Variants in NFASC observed in about 807,000 individuals in gnomAD.
NFASC encodes neurofascin homolog.
Under a neutral mutation model 147.5 loss-of-function variants are expected in NFASC, and 43 were observed. The observed-to-expected ratio is 0.29, with a 90% CI of 0.23 to 0.38. The LOEUF (loss-of-function observed/expected upper bound fraction) is 0.38. Among genes scored for constraint, NFASC ranks in the 10% least tolerant of loss-of-function variants. The probability of loss-of-function intolerance (pLI) is 1.00; values close to 1 mark genes in which losing one functional copy is unlikely to be tolerated. For synonymous variants in NFASC, 622 were observed against 665.5 expected (o/e 0.93, Z 1.01); for missense variants, 1,320 against 1,689.0 (o/e 0.78, Z 3.83).
In NFASC at chr1:204,968,440, C is replaced by A; in HGVS notation, c.818+80C>A. On this transcript the variant is annotated intron_variant, in intron 9 of 29. Coordinates refer to ENST00000339876, the MANE Select transcript of NFASC (RefSeq NM_001005388.3). This position sits in a 1 kb window ranked among gnomAD's most constrained non-coding sequence, Gnocchi z 5.4. ...GAGCTTGTTCATGCTCTTGTTAATG[C>A]CACATTTAGTGCATACCAGTAGCAC... The A allele has an allele frequency of 9.3e-7, 1 of 1,069,710 alleles. No homozygotes were observed. The highest frequency in any genetic ancestry group is 1.4e-6 in the Non-Finnish European group (1 of 696,410). The allele number at this position is 1,069,710 out of a possible 1,614,324, so 66.3% of individuals were successfully genotyped here. A position where few individuals can be genotyped will look rare whatever the true frequency, so the allele number is the denominator to read the frequency against.
chr1:204,984,619 CCTAAGCCACAACTAACAGG>C (rs573168310), intron 21 of NFASC, among the ~76,000 whole-genome samples: 55 of 151,036 alleles, frequency 3.6e-4, no homozygotes, highest in Middle Eastern at 3.4e-3. Flanking sequence ...CTCCTTATCT[CCTAAGCCACAACTAACAGG>C]CAAAGCCACT....
chr1:204,956,211 TG>T (rs2094423923), intron 7 of NFASC, among the ~76,000 whole-genome samples: 1 of 152,218 alleles, frequency 6.6e-6, no homozygotes, highest in South Asian at 2.1e-4. Flanking sequence ...CAGGCCTCCC[TG>T]GTCTTTCTAA....
intron 1 of NFASC, among the ~76,000 whole-genome samples, chr1:204,846,900 C>A (rs766721669): frequency 6.6e-6 from 1 of 151,868 alleles, no homozygotes; most frequent in Non-Finnish European, 1.5e-5. Context: ...CCCCAGTCTA[C>A]CCTAGAATCT....
intron 10 of NFASC, among the ~76,000 whole-genome samples, chr1:204,970,406 C>T (rs1019995314): frequency 1.3e-5 from 2 of 152,182 alleles, no homozygotes; most frequent in Non-Finnish European, 2.9e-5. Context: ...GTTCTGTGAA[C>T]TCAAAATAGA....
At chr1:204,921,832 C>A (rs1462677628) in intron 2 of NFASC, among the ~76,000 whole-genome samples, 1 of 152,050 alleles carries the variant, frequency 6.6e-6, no homozygotes, top group Admixed American at 6.6e-5. Flanking sequence ...AATGGCAATT[C>A]AGATATAGTT....
chr1:204,997,296 C>G lies in NFASC; in HGVS notation c.2909C>G (p.Thr970Ser), dbSNP rs1558419838. ...ATCATCCCAACTGTCGCACCTACCA[C>G]CATCGCCACCACCACCACCGTCGCC... ...VPIIPTVAPT[T>S]IATTTTVATT... is the part of the protein sequence containing the mutation. The change falls in exon 25 of 30, where the codon ACC becomes AGC. Residue 970 changes from threonine (T) to serine (S), a missense_variant. By Grantham distance (58) the Thr-to-Ser change is moderately conservative (BLOSUM62 1). This residue lies in a region of NFASC where 172 missense variants were observed against 165.8 expected (regional missense o/e 1.04). Transcript: ENST00000339876. The G allele has an allele frequency of 6.2e-7, 1 of 1,605,400 alleles. No individual in the cohort carries two copies.
rs2096399315 is a variant in NFASC, at chr1:205,021,329, G to T, written c.*4790G>T. 6.6e-6 allele frequency: 1 copy of T among 152,614 alleles called. No homozygotes were observed. Among genetic ancestry groups the T allele is most frequent in the Non-Finnish European group, 1.5e-5 (1 of 68,054 alleles). The allele number at this position is 152,614 out of a possible 1,614,324, so 9.5% of individuals were successfully genotyped here. ...AGAGAGAAAGGAGAACCATCCAGGA[G>T]AGCCACAAGCGTCCACCAAACAGTG... On this transcript the variant is annotated 3_prime_UTR_variant, in exon 30 of 30. Coordinates refer to ENST00000339876, the MANE Select transcript of NFASC (RefSeq NM_001005388.3).
intron 27 of NFASC, among the ~76,000 whole-genome samples, chr1:205,004,813 G>A (rs2096071153): frequency 1.3e-5 from 2 of 152,184 alleles, no homozygotes; most frequent in South Asian, 4.1e-4. Flanking sequence ...AGCAGTTCAG[G>A]AAGGAAATTG....
intron 1 of NFASC, among the ~76,000 whole-genome samples, chr1:204,908,012 T>G (rs996174072): frequency 3.3e-5 from 5 of 152,100 alleles, no homozygotes; most frequent in Admixed American, 2.6e-4. Flanking sequence ...GACAGGGTCT[T>G]GTTCTGTCAC....
intron 8 of NFASC, among the ~76,000 whole-genome samples, chr1:204,961,590 A>G (rs988168671): frequency 3.9e-5 from 6 of 152,230 alleles, no homozygotes; most frequent in South Asian, 2.1e-4. Flanking sequence ...CTTTTGGTCA[A>G]TGACCTCCTC....
At chr1:204,899,062 C>G (rs2083981500) in intron 1 of NFASC, among the ~76,000 whole-genome samples, 1 of 152,154 alleles carries the variant, frequency 6.6e-6, no homozygotes, top group Non-Finnish European at 1.5e-5. Flanking sequence ...AGGGGAGAAA[C>G]AGACCTGCCC....
At chr1:204,972,436 C>T (rs572067885) in intron 11 of NFASC, among the ~76,000 whole-genome samples, 1 of 152,274 alleles carries the variant, frequency 6.6e-6, no homozygotes, top group South Asian at 2.1e-4. Context: ...AGTGATTCTT[C>T]CCCATCTTAC....
intron 29 of NFASC, 29 bp downstream of exon 29, chr1:205,012,895 G>A (rs774285199): frequency 1.9e-6 from 3 of 1,557,344 alleles, no homozygotes; most frequent in Non-Finnish European, 2.7e-6. Context: ...CCTCTCTCAG[G>A]CAGGCTGTCC....
intron 24 of NFASC, among the ~76,000 whole-genome samples, chr1:204,996,774 G>A (rs2095853626): frequency 6.6e-6 from 1 of 152,068 alleles, no homozygotes; most frequent in South Asian, 2.1e-4. Flanking sequence ...CTCCAGGGCT[G>A]GACCCAACTG....
intron 24 of NFASC, 149 bp from the exon 25 acceptor site, chr1:204,997,021 G>T: frequency 1.6e-6 from 2 of 1,237,420 alleles, no homozygotes; most frequent in South Asian, 3.1e-5. Flanking sequence ...GCTGCGACCC[G>T]TCTGACCCAG....
At chr1:204,903,934 A>C (rs187734009) in intron 1 of NFASC, among the ~76,000 whole-genome samples, 18 of 152,354 alleles carry the variant, frequency 1.2e-4, no homozygotes, top group African/African-American at 4.3e-4. Context: ...AAATTTTGCT[A>C]TATTGCCATG....
At position 205,022,656 on chromosome 1, in the gene NFASC, G is replaced by A. The variant is rs2096408360; in HGVS notation, c.*6117G>A. 1 of 152,610 alleles carries A rather than the reference G, an allele frequency of 6.6e-6. No homozygotes were observed. Among genetic ancestry groups the A allele is most frequent in the African/African-American group, 2.4e-5 (1 of 41,426 alleles). The allele number at this position is 152,610 out of a possible 1,614,324, so 9.5% of individuals were successfully genotyped here. ...GGTGTCACACACGACCTTCAGCAGG[G>A]AAGACTTCTGGGCCATGGAGGGCCG... On this transcript the variant is annotated 3_prime_UTR_variant, in exon 30 of 30. Transcript: ENST00000339876.
intron 1 of NFASC, among the ~76,000 whole-genome samples, chr1:204,829,170 A>C (rs1242693102): frequency 1.4e-5 from 2 of 143,400 alleles, no homozygotes; most frequent in Non-Finnish European, 3.0e-5. Flanking sequence ...TGCCTCCTGT[A>C]TTTCCTACCG....
chr1:204,968,922 T>A lies in NFASC; in HGVS notation c.943T>A (p.Phe315Ile). The A allele has an allele frequency of 6.2e-7, 1 of 1,614,070 alleles. No individual in the cohort carries two copies. The highest frequency in any genetic ancestry group is 8.5e-7 in the Non-Finnish European group (1 of 1,179,998). ...CTCTGAGGAAGACTCCGGGGAGTAT[T>A]TCTGCCTGGCCTCCAACAAGATGGG... ...NVSEEDSGEY[F>I]CLASNKMGSI... Residue 315 changes from phenylalanine (F) to isoleucine (I), a missense_variant, in exon 10 of 30, where the codon TTC (phenylalanine) becomes ATC (isoleucine). By Grantham distance (21) the Phe-to-Ile change is conservative. Coordinates refer to ENST00000339876, the MANE Select transcript of NFASC (RefSeq NM_001005388.3). The surrounding 1 kb of genome is among the most constrained non-coding windows in gnomAD (Gnocchi z 5.4).
Sources: allele counts gnomAD v4.1 joint callset (sites outside exome capture counted in the v4.1 genomes callset), GRCh38; gene constraint gnomAD v4.1.1; regional missense constraint gnomAD v4.1.1; non-coding constraint Gnocchi (gnomAD v3.1); transcripts MANE v1.5; gene names NCBI Gene and HGNC (gene_info 2026-07-23, HGNC 2026-07-21).